The following LAMA3 variants were observed in gnomAD, a reference collection of about 807,000 sequenced individuals.
LAMA3 encodes laminin subunit alpha 3.
Under a neutral mutation model 402.0 loss-of-function variants are expected in LAMA3, and 281 were observed. The observed-to-expected ratio is 0.70, with a 90% CI of 0.63 to 0.77. The LOEUF (loss-of-function observed/expected upper bound fraction) is 0.77. Ranked by LOEUF, LAMA3 falls within the 30% of genes least tolerant of loss-of-function variation. The pLI is 0.00. For missense variants in LAMA3, 3,840 were observed against 4,215.5 expected, an observed-to-expected ratio of 0.91 and a Z score of 2.47; for synonymous variants, 1,431 against 1,558.4, an observed-to-expected ratio of 0.92 and a Z score of 1.93.
intron 14 of LAMA3, among the ~76,000 whole-genome samples, 165 bp from the exon 15 acceptor site, chr18:23,814,238 A>T (rs1197640410): frequency 1.3e-5 from 2 of 152,276 alleles, no homozygotes; most frequent in African/African-American, 2.4e-5. Context: ...AAACAAAAGC[A>T]ATTAGCAGAC....
intron 12 of LAMA3, among the ~76,000 whole-genome samples, chr18:23,800,894 T>C (rs7237175): frequency 0.033 from 5,073 of 152,282 alleles, 276 homozygotes; most frequent in African/African-American, 0.12. Flanking sequence ...TATTCCCCTG[T>C]GTATATATAC....
At chr18:23,905,786 A>G (rs1470740076) in intron 52 of LAMA3, among the ~76,000 whole-genome samples, 162 bp downstream of exon 52, 1 of 152,188 alleles carries the variant, frequency 6.6e-6, no homozygotes, top group Non-Finnish European at 1.5e-5. Context: ...TATTTTTAAT[A>G]GAGATGGGGT....
At chr18:23,912,206 A>G (rs368311202) in intron 55 of LAMA3, among the ~76,000 whole-genome samples, 11 of 149,820 alleles carry the variant, frequency 7.3e-5, no homozygotes, top group South Asian at 4.2e-4. Flanking sequence ...TGATCATGGC[A>G]TGCTGCAGCC....
intron 34 of LAMA3, 116 bp downstream of exon 34, chr18:23,858,945 C>A: frequency 8.2e-6 from 9 of 1,101,760 alleles, no homozygotes; most frequent in Non-Finnish European, 1.2e-5. Flanking sequence ...TTCCTGAATT[C>A]GTCAGTTGTT....
At chr18:23,737,093 C>T (rs2061489426) in intron 2 of LAMA3, among the ~76,000 whole-genome samples, 1 of 152,060 alleles carries the variant, frequency 6.6e-6, no homozygotes, top group South Asian at 2.1e-4. Flanking sequence ...TGGGTGTGCC[C>T]AGAGCCAAGA....
rs185998996 is a variant in LAMA3 at position 23,723,575 on chromosome 18, G to A, written c.447+9503G>A. On this transcript the variant is annotated intron_variant, in intron 2 of 74. Coordinates refer to ENST00000313654, the MANE Select transcript of LAMA3 (RefSeq NM_198129.4). ...CTTGAACATGCTAAGAGTGCTTCTC[G>A]GTGGATGGGGAGATCAGTGATTTTT... Among the ~76,000 whole-genome samples the A allele has an allele frequency of 8.6e-3, 1,303 of 152,252 alleles. 14 individuals are homozygous for A. Among genetic ancestry groups the A allele is most frequent in the South Asian group, 0.066 (318 of 4,808 alleles).
intron 28 of LAMA3, 38 bp from the exon 29 acceptor site, chr18:23,842,573 C>T (rs1188147917): frequency 6.2e-7 from 1 of 1,614,132 alleles, no homozygotes; most frequent in African/African-American, 1.3e-5. Context: ...AATCTACAGT[C>T]CGGTGCATGA....
At chr18:23,732,782 C>T (rs12185288) in intron 2 of LAMA3, among the ~76,000 whole-genome samples, 74,317 of 151,742 alleles carry the variant, frequency 0.49, 19,874 homozygotes, top group Non-Finnish European at 0.61. Flanking sequence ...AAACTGCAGC[C>T]TCTGTATCTA....
intron 38 of LAMA3, among the ~76,000 whole-genome samples, chr18:23,872,426 G>A (rs1381445202): frequency 6.6e-6 from 1 of 152,114 alleles, no homozygotes; most frequent in Non-Finnish European, 1.5e-5. Context: ...AAAGCACAAC[G>A]TTAGCATGAT....
chr18:23,903,903 A>G lies in LAMA3; in HGVS notation c.6319-30A>G, dbSNP rs749718052. ...GCACCTACATTCTTTCCTTGAATTT[A>G]TACTGTCTTTGTTTATTTGGAAAAA... is the stretch of plus-strand genomic sequence containing the variant. On this transcript the variant is annotated intron_variant, in intron 49 of 74. Transcript: ENST00000313654. 2.5e-6 allele frequency: 4 copies of G among 1,572,334 alleles called. No individual in the cohort carries two copies. In the East Asian group the frequency reaches 8.9e-5, roughly 35 times the overall value.
At chr18:23,953,256 A>C in intron 74 of LAMA3, 147 bp downstream of exon 74, 1 of 1,062,588 alleles carries the variant, frequency 9.4e-7, no homozygotes, top group East Asian at 2.4e-5. Context: ...AGTTGCTGGA[A>C]AGGAGCACTT....
At chr18:23,813,022 AC>A in intron 13 of LAMA3, 34 bp from the exon 14 acceptor site, 1 of 1,460,634 alleles carries the variant, frequency 6.8e-7, no homozygotes, top group Non-Finnish European at 9.6e-7. Context: ...AAAACAAACT[AC>A]CAGATAATTT....
At chr18:23,899,570 A>G in intron 47 of LAMA3, 115 bp downstream of exon 47, 1 of 1,053,792 alleles carries the variant, frequency 9.5e-7, no homozygotes, top group Non-Finnish European at 1.4e-6. Context: ...GGTTTCAGCG[A>G]ATATTACTGT....
At chr18:23,921,206 T>C in intron 61 of LAMA3, 152 bp downstream of exon 61, 2 of 989,160 alleles carry the variant, frequency 2.0e-6, no homozygotes, top group East Asian at 5.2e-5. Flanking sequence ...AATTTGCACA[T>C]TTCGGCATGA....
chr18:23,691,850 G>C (rs2060594231), intron 1 of LAMA3, among the ~76,000 whole-genome samples: 1 of 152,188 alleles, frequency 6.6e-6, no homozygotes, highest in Non-Finnish European at 1.5e-5. Context: ...GGGATTACAG[G>C]CATGAGCCAC....
chr18:23,721,248 A>T (rs2061208715), intron 2 of LAMA3, among the ~76,000 whole-genome samples: 1 of 152,214 alleles, frequency 6.6e-6, no homozygotes, highest in Admixed American at 6.5e-5. Flanking sequence ...AACGCTGATT[A>T]ATACTGTGGC....
intron 12 of LAMA3, among the ~76,000 whole-genome samples, chr18:23,794,661 A>G (rs967254818): frequency 3.3e-5 from 5 of 152,164 alleles, no homozygotes; most frequent in African/African-American, 1.2e-4. Context: ...TAGAGTTTTC[A>G]TCTAGGTGCA....
chr18:23,933,294 G>A lies in LAMA3; in HGVS notation c.8709-488G>A, dbSNP rs190414871. The stretch of plus-strand genomic sequence containing the variant: ...TCTGCCACAATCCCAAGTCAATAAA[G>A]GTTTCTTGGGCTCCTCGCCGGCTTC... On this transcript the variant is annotated intron_variant, in intron 66 of 74. Coordinates refer to ENST00000313654, the MANE Select transcript of LAMA3 (RefSeq NM_198129.4). Among the ~76,000 whole-genome samples, 500 of 152,298 alleles carry A rather than the reference G, an allele frequency of 3.3e-3. 4 individuals carry two copies. Among genetic ancestry groups the A allele is most frequent in the African/African-American group, 0.012 (485 of 41,566 alleles).
At chr18:23,952,897 G>T in intron 73 of LAMA3, 93 bp from the exon 74 acceptor site, 1 of 1,550,398 alleles carries the variant, frequency 6.4e-7, no homozygotes, top group Non-Finnish European at 8.9e-7. Context: ...ACTCCCACAG[G>T]TCTAGTATGA....
Sources: allele counts gnomAD v4.1 joint callset (sites outside exome capture counted in the v4.1 genomes callset), GRCh38; gene constraint gnomAD v4.1.1; transcripts MANE v1.5; gene names NCBI Gene and HGNC (gene_info 2026-07-23, HGNC 2026-07-21).